SASH1: variants seen among roughly 807,000 people sequenced by gnomAD.
SASH1 encodes the protein SAM and SH3 domain containing 1.
Under a neutral mutation model 125.2 loss-of-function variants are expected in SASH1, and 44 were observed. That is an observed-to-expected ratio of 0.35 (90% CI 0.28 to 0.45). SASH1 has a LOEUF of 0.45. Among genes scored for constraint, SASH1 ranks in the 20% least tolerant of loss-of-function variants. The probability of loss-of-function intolerance (pLI) is 1.00; values close to 1 mark genes in which losing one functional copy is unlikely to be tolerated. For missense variants in SASH1, 1,426 were observed against 1,614.5 expected (o/e 0.88, Z 2.00); for synonymous variants, 639 against 649.1 (o/e 0.98, Z 0.24).
Position 148,336,638 on chromosome 6 carries a change from G to C in SASH1, n.75-53496G>C, listed in dbSNP as rs77123553. Among the ~76,000 whole-genome samples the C allele has an allele frequency of 1.7e-3, 260 of 152,316 alleles. 5 individuals are homozygous for C. The East Asian group carries it at 0.044, about 26-fold the overall frequency. On this transcript the variant is annotated intron_variant and non_coding_transcript_variant, in intron 1 of 3. Transcript: ENST00000367469. ...GGAATCTATGGGGAGGCCTTTATAAGACAGAAACAGAGGTAAAGCAAAGCA... is the reference window on the plus strand; with the variant it reads ...GGAATCTATGGGGAGGCCTTTATAACACAGAAACAGAGGTAAAGCAAAGCA...
chr6:148,226,347 A>G, the SASH1 span, among the ~76,000 whole-genome samples: 3 of 152,324 alleles, frequency 2.0e-5, no homozygotes, highest in Middle Eastern at 3.4e-3. Context: ...TTTAAATTCT[A>G]TAGTTGCTTT....
intron 2 of SASH1, among the ~76,000 whole-genome samples, chr6:148,438,741 A>C (rs74617869): frequency 7.6e-6 from 1 of 132,220 alleles, no homozygotes; most frequent in Non-Finnish European, 1.6e-5. Context: ...AAAAAAAAAA[A>C]AAAAACCAAA....
chr6:148,247,831 C>T, the SASH1 span, among the ~76,000 whole-genome samples: 314 of 152,198 alleles, frequency 2.1e-3, no homozygotes, highest in Non-Finnish European at 3.9e-3. Flanking sequence ...GTTGATAAAG[C>T]GCTGCCACCC....
intron 2 of SASH1, among the ~76,000 whole-genome samples, chr6:148,392,558 C>T (rs1783774858): frequency 6.6e-6 from 1 of 152,184 alleles, no homozygotes; most frequent in South Asian, 2.1e-4. Flanking sequence ...TAATCTGTTT[C>T]CACGGTAAGA....
At chr6:148,501,734 C>T (rs1399177672) in intron 8 of SASH1, among the ~76,000 whole-genome samples, 1 of 152,182 alleles carries the variant, frequency 6.6e-6, no homozygotes, top group Non-Finnish European at 1.5e-5. Flanking sequence ...ACTTACCACT[C>T]TCTCCCCCCA....
chr6:148,292,650 C>G (rs1412131321), intron 1 of SASH1, among the ~76,000 whole-genome samples: 2 of 152,082 alleles, frequency 1.3e-5, no homozygotes, highest in Non-Finnish European at 2.9e-5. Context: ...AGAGCTGTAC[C>G]CTGGCAACTC....
intron 12 of SASH1, among the ~76,000 whole-genome samples, chr6:148,528,191 A>G (rs1190455190): frequency 6.6e-6 from 1 of 152,182 alleles, no homozygotes; most frequent in East Asian, 1.9e-4. Context: ...CCCTGGATCT[A>G]TAATTTCATT....
chr6:148,493,277 G>A (rs909032650), intron 8 of SASH1, among the ~76,000 whole-genome samples: 2 of 152,142 alleles, frequency 1.3e-5, no homozygotes, highest in African/African-American at 2.4e-5. Context: ...TATGACCCTT[G>A]CCCCTCTTAC....
At chr6:148,233,075 G>A in the SASH1 span, among the ~76,000 whole-genome samples, 14 of 152,140 alleles carry the variant, frequency 9.2e-5, no homozygotes, top group Middle Eastern at 3.4e-3. Flanking sequence ...ATTAGCCGGC[G>A]TGGTGGTACA....
chr6:148,499,322 T>G (rs1043275818), intron 8 of SASH1, among the ~76,000 whole-genome samples: 1 of 152,222 alleles, frequency 6.6e-6, no homozygotes, highest in Admixed American at 6.5e-5. Context: ...CTCTAATATT[T>G]ATTATTAGTA....
intron 2 of SASH1, among the ~76,000 whole-genome samples, chr6:148,435,923 GCTGA>G (rs1424337485): frequency 6.6e-6 from 1 of 152,062 alleles, no homozygotes; most frequent in African/African-American, 2.4e-5. Flanking sequence ...GATAATTCAG[GCTGA>G]CTATTGCCAA....
intron 1 of SASH1, among the ~76,000 whole-genome samples, chr6:148,355,473 A>C (rs1781894851): frequency 6.6e-6 from 1 of 152,226 alleles, no homozygotes; most frequent in Non-Finnish European, 1.5e-5. Flanking sequence ...TATGTAGAAG[A>C]TATTATAAAA....
intron 4 of SASH1, among the ~76,000 whole-genome samples, chr6:148,464,926 A>G (rs77905933): frequency 0.035 from 5,293 of 152,264 alleles, 109 homozygotes; most frequent in African/African-American, 0.06. Context: ...AAGAAACTAC[A>G]GTGCCATCTG....
chr6:148,234,130 T>C, the SASH1 span, among the ~76,000 whole-genome samples: 1 of 151,776 alleles, frequency 6.6e-6, no homozygotes, highest in African/African-American at 2.4e-5. Flanking sequence ...TTTAAACTCC[T>C]GGGCTCAAGG....
chr6:148,409,141 G>T (rs13204061), intron 2 of SASH1, among the ~76,000 whole-genome samples: 2 of 152,020 alleles, frequency 1.3e-5, no homozygotes, highest in African/African-American at 4.8e-5. Context: ...TTCCTACCAT[G>T]CATTATTATT....
At chr6:148,514,614 C>G (rs1780339714) in intron 9 of SASH1, among the ~76,000 whole-genome samples, 158 bp downstream of exon 9, 1 of 152,118 alleles carries the variant, frequency 6.6e-6, no homozygotes, top group Admixed American at 6.5e-5. Context: ...TGCCTGCCAG[C>G]AGAGTGATGC....
chr6:148,408,036 T>A (rs1274627395), intron 2 of SASH1, among the ~76,000 whole-genome samples: 3 of 151,972 alleles, frequency 2.0e-5, no homozygotes, highest in Non-Finnish European at 4.4e-5. Flanking sequence ...TTGCTAACAC[T>A]TTTTTTTCCT....
intron 8 of SASH1, among the ~76,000 whole-genome samples, chr6:148,489,558 T>C (rs1779013276): frequency 6.6e-6 from 1 of 152,182 alleles, no homozygotes; most frequent in South Asian, 2.1e-4. Flanking sequence ...TTGACTTGGG[T>C]AATATCATTT....
the SASH1 span, among the ~76,000 whole-genome samples, chr6:148,242,914 C>T: frequency 2.6e-5 from 4 of 152,242 alleles, no homozygotes; most frequent in African/African-American, 9.6e-5. Context: ...AGTTTATTGG[C>T]ACTCAATATG....
Sources: gnomAD v4.1 joint callset for allele counts (sites outside exome capture counted in the v4.1 genomes callset) on GRCh38, gnomAD v4.1.1 for gene constraint, MANE v1.5 for transcripts, NCBI Gene and HGNC (gene_info 2026-07-23, HGNC 2026-07-21) for gene names.